Variants in PTDSS2 observed in about 807,000 individuals in gnomAD.
PTDSS2 encodes the protein phosphatidylserine synthase 2, also known as PSS-2.
Under a neutral mutation model 64.7 loss-of-function variants are expected in PTDSS2, and 41 were observed. That is an observed-to-expected ratio of 0.63 (90% confidence interval 0.49 to 0.82). The LOEUF is 0.82. PTDSS2 is among the 40% of genes least tolerant of loss of function. PTDSS2 has a pLI of 0.00. For synonymous variants in PTDSS2, 297 were observed against 277.8 expected, an observed-to-expected ratio of 1.07 and a Z score of -0.69; for missense variants, 485 against 650.0, an observed-to-expected ratio of 0.75 and a Z score of 2.76.
At chr11:458,118 G>A (rs1364481292) in intron 1 of PTDSS2, among the ~76,000 whole-genome samples, 1 of 152,124 alleles carries the variant, frequency 6.6e-6, no homozygotes, top group East Asian at 1.9e-4. Context: ...TCCTTGTGAA[G>A]TGTCTGTTCA....
In PTDSS2 at chr11:479,430, AG is replaced by A; in HGVS notation, c.435+281del. On this transcript the variant is annotated intron_variant, in intron 4 of 11. Coordinates refer to ENST00000308020, the MANE Select transcript of PTDSS2 (RefSeq NM_030783.3). The surrounding 1 kb of genome is among the most constrained non-coding windows in gnomAD (Gnocchi z 4.2). ...GGGGCGCTGACTGTGGCCATTTAGC[AG>A]GGCCACACTTAAGGAGGGCAGGGCC... 1 of 538,060 alleles carries A rather than the reference AG, an allele frequency of 1.9e-6. No homozygotes were observed. Among genetic ancestry groups the A allele is most frequent in the Non-Finnish European group, 3.3e-6 (1 of 298,908 alleles). 33.3% of individuals were successfully genotyped at this position (538,060 alleles called of 1,614,324 possible). A position where few individuals can be genotyped will look rare whatever the true frequency, so the allele number is the denominator to read the frequency against.
intron 2 of PTDSS2, among the ~76,000 whole-genome samples, chr11:472,032 CGCGCCTGTCGG>C (rs1468495281): frequency 4.9e-4 from 64 of 131,632 alleles, no homozygotes; most frequent in Middle Eastern, 0.011. Flanking sequence ...TGGGGTGATG[CGCGCCTGTCGG>C]GCGGATGGTG....
chr11:451,374 A>C (rs572092574), intron 1 of PTDSS2: 1 of 445,256 alleles, frequency 2.2e-6, no homozygotes, highest in African/African-American at 2.0e-5. Context: ...TGCCGCTCCT[A>C]CTCCCGACAG....
At chr11:471,053 A>G (rs1590643081) in intron 2 of PTDSS2, among the ~76,000 whole-genome samples, 1 of 150,570 alleles carries the variant, frequency 6.6e-6, no homozygotes, top group Non-Finnish European at 1.5e-5. Flanking sequence ...CACTTCCCTC[A>G]TTCTTACCCA....
chr11:458,626 C>T (rs1333605278), intron 1 of PTDSS2: 1 of 151,494 alleles, frequency 6.6e-6, no homozygotes, highest in African/African-American at 2.4e-5. Flanking sequence ...AATCTGCCAC[C>T]TCCCGAGTAG....
Position 460,925 on chromosome 11 carries a change from T to A in PTDSS2, c.284+637T>A, listed in dbSNP as rs1005698635. The A allele has an allele frequency of 2.0e-5, 3 of 152,404 alleles. No individual in the cohort carries two copies. The highest frequency in any genetic ancestry group is 7.2e-5 in the African/African-American group (3 of 41,446). The allele number at this position is 152,404 out of a possible 1,614,324, so 9.4% of individuals were successfully genotyped here. A position where few individuals can be genotyped will look rare whatever the true frequency, so the allele number is the denominator to read the frequency against. ...CCTGACTCTCCTCTCGCGTTGCTCTTCCGACGCGCGCACAGGGTGTGTCTG... is the reference window on the plus strand; with the variant it reads ...CCTGACTCTCCTCTCGCGTTGCTCTACCGACGCGCGCACAGGGTGTGTCTG... On this transcript the variant is annotated intron_variant, in intron 2 of 11. Coordinates refer to ENST00000308020, the MANE Select transcript of PTDSS2 (RefSeq NM_030783.3). The surrounding 1 kb of genome is among the most constrained non-coding windows in gnomAD (Gnocchi z 5.8).
intron 1 of PTDSS2, among the ~76,000 whole-genome samples, chr11:453,557 C>G (rs892180106): frequency 6.6e-6 from 1 of 152,204 alleles, no homozygotes; most frequent in Non-Finnish European, 1.5e-5. Context: ...TTCAGATACC[C>G]CAGGTTTCTG....
intron 2 of PTDSS2, among the ~76,000 whole-genome samples, chr11:464,841 T>G (rs1847070768): frequency 6.6e-6 from 1 of 152,228 alleles, no homozygotes; most frequent in South Asian, 2.1e-4. Context: ...TGTAATACAC[T>G]TAAAATATAA....
intron 1 of PTDSS2, among the ~76,000 whole-genome samples, chr11:458,456 C>T (rs1189278886): frequency 4.7e-5 from 7 of 150,354 alleles, no homozygotes; most frequent in African/African-American, 7.3e-5. Flanking sequence ...CCGCCCGCCT[C>T]GGCCTCCCAA....
chr11:473,239 G>T (rs1414427409), intron 2 of PTDSS2, among the ~76,000 whole-genome samples: 1 of 152,244 alleles, frequency 6.6e-6, no homozygotes, highest in African/African-American at 2.4e-5. Flanking sequence ...CCGTGAACCT[G>T]CATCTTTGGT....
chr11:487,719 C>T (rs560242132), intron 6 of PTDSS2, among the ~76,000 whole-genome samples: 51 of 152,336 alleles, frequency 3.3e-4, no homozygotes, highest in African/African-American at 1.2e-3. Flanking sequence ...CAGGAAGTCC[C>T]GCCCCTGCCT....
At chr11:480,950 C>T (rs7110400) in intron 4 of PTDSS2, among the ~76,000 whole-genome samples, 2 of 151,630 alleles carry the variant, frequency 1.3e-5, no homozygotes, top group Non-Finnish European at 2.9e-5. Context: ...CGGGCGTGGT[C>T]GCGGGCGCCT....
intron 3 of PTDSS2, among the ~76,000 whole-genome samples, chr11:475,509 C>T (rs867427985): frequency 9.1e-6 from 1 of 109,658 alleles, no homozygotes; most frequent in Non-Finnish European, 1.9e-5. Flanking sequence ...TGTGATACGG[C>T]CATATTCACG....
chr11:470,766 T>A lies in PTDSS2; in HGVS notation c.285-3129T>A, dbSNP rs1384202032. Among the ~76,000 whole-genome samples, 3 of 151,604 alleles carry A rather than the reference T, an allele frequency of 2.0e-5. No homozygotes were observed. In the East Asian group the frequency reaches 5.8e-4, roughly 29 times the overall value. On this transcript the variant is annotated intron_variant, in intron 2 of 11. Transcript: ENST00000308020. The surrounding 1 kb of genome is among the most constrained non-coding windows in gnomAD (Gnocchi z 5.3). The stretch of plus-strand genomic sequence containing the variant: ...CACCACATCTGGCTAATTTGTGTAT[T>A]TTTAGTAGAGATGGGGTTTCACCAT...
rs375091877 is a variant in PTDSS2 at position 476,519 on chromosome 11, C to T, written c.367+2542C>T. Reference sequence around the variant, plus strand: ...GATGCACCAAATCCCTCCTGGGTGGCGGCATCACTGGGGACTGGGACGCAG... The same window carrying T: ...GATGCACCAAATCCCTCCTGGGTGGTGGCATCACTGGGGACTGGGACGCAG... On this transcript the variant is annotated intron_variant, in intron 3 of 11. Coordinates refer to ENST00000308020, the MANE Select transcript of PTDSS2 (RefSeq NM_030783.3). The surrounding 1 kb of genome is among the most constrained non-coding windows in gnomAD (Gnocchi z 4.9). Among the ~76,000 whole-genome samples the T allele has an allele frequency of 2.0e-5, 3 of 152,200 alleles. No individual in the cohort carries two copies. The highest frequency in any genetic ancestry group is 2.9e-5 in the Non-Finnish European group (2 of 68,000).
At chr11:490,128 C>T (rs1184954438) in intron 11 of PTDSS2, 60 bp downstream of exon 11, 58 of 1,512,614 alleles carry the variant, frequency 3.8e-5, no homozygotes, top group Non-Finnish European at 4.9e-5. Context: ...TCCCTTGGCA[C>T]AGGCACTGTG....
chr11:487,163 T>A, intron 5 of PTDSS2, 90 bp downstream of exon 5: 1 of 1,253,346 alleles, frequency 8.0e-7, no homozygotes, highest in Non-Finnish European at 1.1e-6. Flanking sequence ...CTCGCACCCC[T>A]CAGCCCACAC....
At chr11:464,291 C>T (rs6598017) in intron 2 of PTDSS2, among the ~76,000 whole-genome samples, 54,840 of 152,070 alleles carry the variant, frequency 0.36, 10,405 homozygotes, top group African/African-American at 0.49. Context: ...CCCCGTTTTG[C>T]TTTTCTTGAG....
chr11:482,078 T>A (rs563729576), intron 4 of PTDSS2, among the ~76,000 whole-genome samples: 2 of 151,962 alleles, frequency 1.3e-5, no homozygotes, highest in East Asian at 3.9e-4. Context: ...ACTCCTGACC[T>A]CAGGTGATCC....
Sources: gnomAD v4.1 joint callset for allele counts (sites outside exome capture counted in the v4.1 genomes callset) on GRCh38, gnomAD v4.1.1 for gene constraint, Gnocchi (gnomAD v3.1) non-coding constraint, MANE v1.5 for transcripts, NCBI Gene and HGNC (gene_info 2026-07-23, HGNC 2026-07-21) for gene names.